DPP6: variants seen among roughly 807,000 people sequenced by gnomAD.
The protein encoded by DPP6 is A-type potassium channel modulatory protein DPP6.
Under a neutral mutation model 122.6 loss-of-function variants are expected in DPP6, and 69 were observed. That is an observed-to-expected ratio of 0.56 (90% CI 0.46 to 0.69). The LOEUF is 0.69. DPP6 is among the 30% of genes least tolerant of loss of function. The pLI is 0.00. For missense variants in DPP6, 928 were observed against 1,116.9 expected (o/e 0.83, Z 2.41); for synonymous variants, 418 against 433.1 (o/e 0.97, Z 0.43).
intron 5 of DPP6, among the ~76,000 whole-genome samples, chr7:154,577,203 G>T (rs1010644961): frequency 1.3e-5 from 2 of 152,136 alleles, no homozygotes; most frequent in Non-Finnish European, 2.9e-5. Flanking sequence ...ACAGGAGGAG[G>T]AGGAGGAAAG....
At chr7:153,985,592 T>C (rs1171822953) in intron 1 of DPP6, among the ~76,000 whole-genome samples, 3 of 152,224 alleles carry the variant, frequency 2.0e-5, no homozygotes, top group Non-Finnish European at 4.4e-5. Context: ...TTGGGGTTTG[T>C]CATATTATTT....
intron 3 of DPP6, among the ~76,000 whole-genome samples, chr7:154,527,689 T>G (rs1451040438): frequency 1.3e-5 from 2 of 152,188 alleles, no homozygotes; most frequent in African/African-American, 4.8e-5. Flanking sequence ...CTTTGTGATA[T>G]TTATACAATC....
At chr7:154,068,169 C>A (rs1309626591) in intron 1 of DPP6, among the ~76,000 whole-genome samples, 2 of 152,026 alleles carry the variant, frequency 1.3e-5, no homozygotes, top group Non-Finnish European at 2.9e-5. Flanking sequence ...TTAGGGGTGT[C>A]AACATTTGTG....
At chr7:154,076,715 T>C (rs1192723313) in intron 1 of DPP6, among the ~76,000 whole-genome samples, 1 of 152,018 alleles carries the variant, frequency 6.6e-6, no homozygotes, top group Non-Finnish European at 1.5e-5. Context: ...TTCTTCTTTT[T>C]AAGCATGGCG....
At chr7:153,828,674 A>T in the DPP6 span, among the ~76,000 whole-genome samples, 1 of 152,178 alleles carries the variant, frequency 6.6e-6, no homozygotes, top group East Asian at 1.9e-4. Flanking sequence ...GAATTTTGGG[A>T]TGGATACACA....
At chr7:153,948,198 T>G (rs1802034863) in intron 1 of DPP6, among the ~76,000 whole-genome samples, 1 of 152,220 alleles carries the variant, frequency 6.6e-6, no homozygotes, top group South Asian at 2.1e-4. Context: ...AGCTGCTATT[T>G]ACTTTTAAAA....
At chr7:154,346,780 C>G (rs9655640) in intron 1 of DPP6, among the ~76,000 whole-genome samples, 134,734 of 152,266 alleles carry the variant, frequency 0.88, 59,878 homozygotes, top group African/African-American at 0.97. Context: ...TGCCTTCCAT[C>G]GTCACTTATT....
Position 154,785,932 on chromosome 7 carries a change from T to A in DPP6, c.1137-8147T>A, listed in dbSNP as rs533591030. Among the ~76,000 whole-genome samples the A allele has an allele frequency of 1.6e-3, 240 of 152,326 alleles. 1 individual carries two copies. Among genetic ancestry groups the A allele is most frequent in the African/African-American group, 5.6e-3 (231 of 41,576 alleles). ...TCCTCTCTCTCCTTTTTTCAAATCC[T>A]CTCAGCTATTCTGTTGCATTGCCCT... On this transcript the variant is annotated intron_variant, in intron 10 of 25. Transcript: ENST00000377770.
rs548135040 is a variant in DPP6, at chr7:154,530,715, G to A, written c.458-9817G>A. 1.1e-4 allele frequency among the ~76,000 whole-genome samples: 17 copies of A among 152,190 alleles called. No homozygotes were observed. The South Asian group carries it at 2.1e-3, about 19-fold the overall frequency. On this transcript the variant is annotated intron_variant, in intron 3 of 25. Coordinates refer to ENST00000377770, the MANE Select transcript of DPP6 (RefSeq NM_130797.4). ...ATGTATGTTCACTGCAGCACTGTTCGCAATAGCAAAGACATGGAATCAACC... is the reference window on the plus strand; with the variant it reads ...ATGTATGTTCACTGCAGCACTGTTCACAATAGCAAAGACATGGAATCAACC...
chr7:154,274,593 C>A (rs1490943675), intron 1 of DPP6, among the ~76,000 whole-genome samples: 2 of 152,190 alleles, frequency 1.3e-5, no homozygotes, highest in African/African-American at 4.8e-5. Flanking sequence ...CTTCCATGCA[C>A]TTTAGAAGAT....
chr7:153,994,763 G>T (rs1797346491), intron 1 of DPP6, among the ~76,000 whole-genome samples: 1 of 151,880 alleles, frequency 6.6e-6, no homozygotes, highest in South Asian at 2.1e-4. Context: ...AATTAATATT[G>T]ACTTAAGGTA....
chr7:154,148,097 C>T (rs61355274), intron 1 of DPP6, among the ~76,000 whole-genome samples: 254 of 141,688 alleles, frequency 1.8e-3, no homozygotes, highest in African/African-American at 7.6e-3. Context: ...GTCCTATGGC[C>T]GCTCATGAAA....
chr7:154,321,214 C>A (rs1165680723), intron 1 of DPP6, among the ~76,000 whole-genome samples: 1 of 151,462 alleles, frequency 6.6e-6, no homozygotes, highest in Non-Finnish European at 1.5e-5. Context: ...AAGATCGAGG[C>A]TGCAGTGAGC....
chr7:153,794,810 T>G, the DPP6 span, among the ~76,000 whole-genome samples: 15 of 152,294 alleles, frequency 9.8e-5, no homozygotes, highest in Admixed American at 2.0e-4. Context: ...TCCCATGCTA[T>G]TCTCATAATA....
chr7:153,989,832 C>T (rs1454593004), intron 1 of DPP6, among the ~76,000 whole-genome samples: 1 of 151,842 alleles, frequency 6.6e-6, no homozygotes, highest in Non-Finnish European at 1.5e-5. Flanking sequence ...ACAGCATGTC[C>T]AATTACACAG....
At chr7:154,370,895 C>T (rs1260345899) in intron 1 of DPP6, among the ~76,000 whole-genome samples, 1 of 152,174 alleles carries the variant, frequency 6.6e-6, no homozygotes, top group South Asian at 2.1e-4. Flanking sequence ...CAGCTAGTTT[C>T]CTAGCCTGAC....
chr7:154,259,023 A>AG (rs1439310526), intron 1 of DPP6, among the ~76,000 whole-genome samples: 1 of 152,186 alleles, frequency 6.6e-6, no homozygotes, highest in Admixed American at 6.5e-5. Flanking sequence ...GTAGAAGCAA[A>AG]GGTGTTGAAA....
At chr7:153,780,549 C>T in the DPP6 span, among the ~76,000 whole-genome samples, 4 of 152,170 alleles carry the variant, frequency 2.6e-5, no homozygotes, top group African/African-American at 4.8e-5. Flanking sequence ...CACCTATTAA[C>T]ATCCTTGGAC....
chr7:154,512,243 G>A lies in DPP6; in HGVS notation c.458-28289G>A, dbSNP rs151026295. Among the ~76,000 whole-genome samples, 8 of 152,212 alleles carry A rather than the reference G, an allele frequency of 5.3e-5. No individual in the cohort carries two copies. The East Asian group carries it at 1.2e-3, about 22-fold the overall frequency. ...AGTTTCTTTATAAAAGCATAATGAC[G>A]TATATAATGGCTTTCAGATAATCCT... On this transcript the variant is annotated intron_variant, in intron 3 of 25. Coordinates refer to ENST00000377770, the MANE Select transcript of DPP6 (RefSeq NM_130797.4).
Sources: gnomAD v4.1 joint callset for allele counts (sites outside exome capture counted in the v4.1 genomes callset) on GRCh38, gnomAD v4.1.1 for gene constraint, MANE v1.5 for transcripts, NCBI Gene and HGNC (gene_info 2026-07-23, HGNC 2026-07-21) for gene names.